Variants in RHOJ observed in about 807,000 individuals in gnomAD.
RHOJ encodes the protein rho-related GTP-binding protein RhoJ.
In RHOJ, 11 loss-of-function variants were observed where a neutral mutation model predicts 23.4. That is an observed-to-expected ratio of 0.47 (90% CI 0.30 to 0.78). RHOJ has a LOEUF of 0.78. Ranked by LOEUF, RHOJ falls within the 30% of genes least tolerant of loss-of-function variation. The pLI, the probability that RHOJ is intolerant of heterozygous loss-of-function variation, is 0.08. For missense variants in RHOJ, 254 were observed against 273.4 expected, an observed-to-expected ratio of 0.93 and a Z score of 0.50; for synonymous variants, 102 against 102.7, an observed-to-expected ratio of 0.99 and a Z score of 0.04.
chr14:63,205,404 C>CA (rs541277453), intron 1 of RHOJ, among the ~76,000 whole-genome samples: 32 of 149,624 alleles, frequency 2.1e-4, no homozygotes, highest in South Asian at 1.3e-3. Flanking sequence ...TCTTTTCTGC[C>CA]AAAAAAAAAG....
intron 2 of RHOJ, among the ~76,000 whole-genome samples, chr14:63,279,649 T>C (rs1181266642): frequency 6.6e-6 from 1 of 152,202 alleles, no homozygotes; most frequent in Non-Finnish European, 1.5e-5. Context: ...CAGAAACTCT[T>C]CCATGAGCAT....
chr14:63,211,482 T>C (rs368366478), intron 1 of RHOJ, among the ~76,000 whole-genome samples: 30 of 152,284 alleles, frequency 2.0e-4, no homozygotes, highest in African/African-American at 5.8e-4. Flanking sequence ...AAATTATGGA[T>C]ACATTAATGG....
At chr14:63,250,244 T>G (rs2139639460) in intron 1 of RHOJ, among the ~76,000 whole-genome samples, 1 of 152,234 alleles carries the variant, frequency 6.6e-6, no homozygotes, top group Admixed American at 6.5e-5. Flanking sequence ...TCTTTTTGTT[T>G]GTTTGTTTTG....
intron 2 of RHOJ, among the ~76,000 whole-genome samples, chr14:63,270,162 G>C (rs142860782): frequency 7.2e-6 from 1 of 139,672 alleles, no homozygotes; most frequent in East Asian, 2.1e-4. Context: ...CGATGCATTC[G>C]TCTAGGCCTT....
chr14:63,233,761 A>T (rs982439660), intron 1 of RHOJ, among the ~76,000 whole-genome samples: 1 of 152,106 alleles, frequency 6.6e-6, no homozygotes, highest in Non-Finnish European at 1.5e-5. Flanking sequence ...ACAGCCCTTT[A>T]ACCAGCCTGG....
chr14:63,219,771 G>T (rs937404966), intron 1 of RHOJ, among the ~76,000 whole-genome samples: 5 of 149,406 alleles, frequency 3.3e-5, no homozygotes, highest in East Asian at 3.9e-4. Context: ...AGCCAAGATC[G>T]CACCACTGCA....
chr14:63,270,640 T>C (rs950906224), intron 2 of RHOJ, among the ~76,000 whole-genome samples: 5 of 152,232 alleles, frequency 3.3e-5, no homozygotes, highest in Non-Finnish European at 5.9e-5. Flanking sequence ...CCTGCTCTAA[T>C]TCACTCACAT....
intron 1 of RHOJ, among the ~76,000 whole-genome samples, chr14:63,236,531 A>T (rs1157721276): frequency 6.6e-6 from 1 of 152,144 alleles, no homozygotes; most frequent in Admixed American, 6.5e-5. Flanking sequence ...AGATCTCATG[A>T]GACTCATTCA....
At chr14:63,215,255 G>A (rs1382492037) in intron 1 of RHOJ, among the ~76,000 whole-genome samples, 4 of 151,074 alleles carry the variant, frequency 2.6e-5, no homozygotes, top group Non-Finnish European at 5.9e-5. Context: ...TCTGGGGAGA[G>A]ACAGATCTTT....
intron 1 of RHOJ, among the ~76,000 whole-genome samples, chr14:63,230,060 T>C (rs577701935): frequency 4.6e-5 from 7 of 152,174 alleles, no homozygotes; most frequent in African/African-American, 1.4e-4. Flanking sequence ...CTAAAGATTG[T>C]CTCAACCACC....
At chr14:63,225,747 G>A (rs1454420703) in intron 1 of RHOJ, among the ~76,000 whole-genome samples, 1 of 152,172 alleles carries the variant, frequency 6.6e-6, no homozygotes, top group Non-Finnish European at 1.5e-5. Flanking sequence ...GTGTTGTCAG[G>A]TCTCAGAAAT....
At chr14:63,253,430 C>T (rs1219176306) in intron 1 of RHOJ, among the ~76,000 whole-genome samples, 1 of 151,752 alleles carries the variant, frequency 6.6e-6, no homozygotes, top group Non-Finnish European at 1.5e-5. Flanking sequence ...TGGGGTTTCA[C>T]TATGTTGCCC....
chr14:63,278,241 T>A (rs1015555180), intron 2 of RHOJ, among the ~76,000 whole-genome samples: 9 of 152,182 alleles, frequency 5.9e-5, no homozygotes, highest in African/African-American at 1.2e-4. Context: ...GCTTAAGTTT[T>A]AATAGTAGTA....
intron 3 of RHOJ, among the ~76,000 whole-genome samples, chr14:63,282,699 G>C (rs199533519): frequency 1.4e-5 from 2 of 141,278 alleles, no homozygotes; most frequent in African/African-American, 5.3e-5. Context: ...AAAAAAAAAA[G>C]ATGGGTTCAA....
At chr14:63,214,092 T>C (rs1211800512) in intron 1 of RHOJ, among the ~76,000 whole-genome samples, 25 of 152,200 alleles carry the variant, frequency 1.6e-4, no homozygotes, top group Non-Finnish European at 1.5e-5. Flanking sequence ...CTTAGCACCA[T>C]GTTTAACTCC....
intron 2 of RHOJ, 144 bp from the exon 3 acceptor site, chr14:63,280,827 G>A (rs1171496474): frequency 3.0e-6 from 2 of 674,930 alleles, no homozygotes; most frequent in Non-Finnish European, 4.7e-6. Flanking sequence ...AGTTCTAGTA[G>A]AGAAAGAACT....
At chr14:63,284,894 T>C (rs1003859889) in intron 4 of RHOJ, among the ~76,000 whole-genome samples, 1 of 152,158 alleles carries the variant, frequency 6.6e-6, no homozygotes, top group Admixed American at 6.5e-5. Flanking sequence ...CATACTTATT[T>C]TTGGAACAAT....
chr14:63,213,787 C>T (rs891100972), intron 1 of RHOJ, among the ~76,000 whole-genome samples: 1 of 152,124 alleles, frequency 6.6e-6, no homozygotes, highest in Non-Finnish European at 1.5e-5. Flanking sequence ...ACCCTGCCAT[C>T]ATCTAGGGCT....
chr14:63,209,815 A>G (rs1049439681), intron 1 of RHOJ, among the ~76,000 whole-genome samples: 1 of 152,126 alleles, frequency 6.6e-6, no homozygotes, highest in Non-Finnish European at 1.5e-5. Context: ...TGCTTGTCCA[A>G]TAGATATCTG....
Sources: allele counts gnomAD v4.1 joint callset (sites outside exome capture counted in the v4.1 genomes callset), GRCh38; gene constraint gnomAD v4.1.1; transcripts MANE v1.5; gene names NCBI Gene and HGNC (gene_info 2026-07-23, HGNC 2026-07-21).